Variants in MARCHF3 observed in about 807,000 individuals in gnomAD.
The protein encoded by MARCHF3 is membrane associated ring-CH-type finger 3, also known as E3 ubiquitin-protein ligase MARCHF3.
Under a neutral mutation model 24.2 loss-of-function variants are expected in MARCHF3, and 13 were observed. The observed-to-expected ratio is 0.54, with a 90% CI of 0.35 to 0.85. The LOEUF is 0.85. MARCHF3 is among the 40% of genes least tolerant of loss of function. The probability of loss-of-function intolerance (pLI) is 0.01; values close to 1 mark genes in which losing one functional copy is unlikely to be tolerated. For synonymous variants in MARCHF3, 144 were observed against 137.3 expected, an observed-to-expected ratio of 1.05 and a Z score of -0.34; for missense variants, 276 against 325.0, an observed-to-expected ratio of 0.85 and a Z score of 1.16.
chr5:126,871,996 C>A (rs901158615), intron 4 of MARCHF3, among the ~76,000 whole-genome samples: 1 of 151,852 alleles, frequency 6.6e-6, no homozygotes, highest in South Asian at 2.1e-4. Flanking sequence ...CAGGCGTGAG[C>A]CACTGTGTCC....
At chr5:126,910,170 G>A (rs891009723) in intron 3 of MARCHF3, among the ~76,000 whole-genome samples, 2 of 152,180 alleles carry the variant, frequency 1.3e-5, no homozygotes, top group East Asian at 1.9e-4. Flanking sequence ...ACTATTTCCT[G>A]GCTGTTTCAT....
chr5:126,870,693 G>C lies in MARCHF3; in HGVS notation c.702C>G (p.Asn234Lys). The change falls in exon 5 of 5, where the codon AAC becomes AAG. Residue 234 changes from asparagine to lysine, a missense_variant. By Grantham distance (94) the Asn-to-Lys change is moderately conservative. Coordinates refer to ENST00000308660, the MANE Select transcript of MARCHF3 (RefSeq NM_178450.5). Reference sequence around the variant, plus strand: ...AATGGAGGCCCAGCAAGGACGGCTGGTTAGAAGGTACATTGACAGACTTTG... The same window carrying C: ...AATGGAGGCCCAGCAAGGACGGCTGCTTAGAAGGTACATTGACAGACTTTG... ...LIPKSVNVPS[N>K]QPSLLGLHSV... The C allele has an allele frequency of 1.2e-6, 2 of 1,614,180 alleles. No individual in the cohort carries two copies. The highest frequency in any genetic ancestry group is 4.5e-5 in the East Asian group (2 of 44,886).
chr5:126,989,092 C>T (rs1751657841), intron 1 of MARCHF3, among the ~76,000 whole-genome samples: 1 of 151,982 alleles, frequency 6.6e-6, no homozygotes, highest in Admixed American at 6.6e-5. Context: ...CCAGCCTGAG[C>T]AACATAGTGA....
At chr5:126,900,403 A>T (rs1478477613) in intron 3 of MARCHF3, among the ~76,000 whole-genome samples, 1 of 151,992 alleles carries the variant, frequency 6.6e-6, no homozygotes, top group African/African-American at 2.4e-5. Context: ...TGGAGCACCC[A>T]TGACTGAGAT....
chr5:126,906,954 T>C (rs1220426668), intron 3 of MARCHF3, among the ~76,000 whole-genome samples: 1 of 151,902 alleles, frequency 6.6e-6, no homozygotes, highest in Non-Finnish European at 1.5e-5. Flanking sequence ...TGTGGGCATT[T>C]AGTGCTATAA....
chr5:126,910,024 G>C (rs1388843613), intron 3 of MARCHF3, among the ~76,000 whole-genome samples: 1 of 152,132 alleles, frequency 6.6e-6, no homozygotes, highest in Non-Finnish European at 1.5e-5. Context: ...TGTTCATACA[G>C]TTCTTATCAA....
At chr5:126,985,860 G>A (rs1186580397) in intron 1 of MARCHF3, among the ~76,000 whole-genome samples, 1 of 152,140 alleles carries the variant, frequency 6.6e-6, no homozygotes, top group Non-Finnish European at 1.5e-5. Context: ...CACGTTTGCA[G>A]GGAGAGAACC....
At chr5:126,966,928 TTTTTTTTTTTTTTTTTTG>T (rs1750836554) in intron 1 of MARCHF3, among the ~76,000 whole-genome samples, 1 of 128,484 alleles carries the variant, frequency 7.8e-6, no homozygotes, top group African/African-American at 2.8e-5. Flanking sequence ...TTTTTTTTTT[TTTTTTTTTTTTTTTTTTG>T]CTATTACCTA....
At chr5:126,918,403 G>C (rs534039407) in intron 1 of MARCHF3, among the ~76,000 whole-genome samples, 176 bp from the exon 2 acceptor site, 23 of 149,310 alleles carry the variant, frequency 1.5e-4, no homozygotes, top group Admixed American at 3.3e-4. Flanking sequence ...CACACACACA[G>C]AGCCCACAAG....
chr5:127,021,199 C>T (rs180701293), intron 1 of MARCHF3, among the ~76,000 whole-genome samples: 59 of 152,004 alleles, frequency 3.9e-4, no homozygotes, highest in African/African-American at 1.2e-3. Context: ...TTAATACCCA[C>T]CCCCCACCAA....
intron 3 of MARCHF3, among the ~76,000 whole-genome samples, chr5:126,908,227 G>A (rs1320124250): frequency 1.3e-5 from 2 of 152,092 alleles, no homozygotes; most frequent in African/African-American, 2.4e-5. Flanking sequence ...AGGGTAACCC[G>A]CCCTTTCTCT....
chr5:126,895,262 C>T (rs1317257288), intron 3 of MARCHF3, among the ~76,000 whole-genome samples: 1 of 152,116 alleles, frequency 6.6e-6, no homozygotes, highest in African/African-American at 2.4e-5. Flanking sequence ...TGAATGTCCT[C>T]CTGTAGCTCA....
At chr5:126,910,206 C>T (rs11956061) in intron 3 of MARCHF3, among the ~76,000 whole-genome samples, 86,293 of 152,054 alleles carry the variant, frequency 0.57, 25,386 homozygotes, top group East Asian at 0.76. Flanking sequence ...GTTGAGCTGA[C>T]CTATAACTTC....
intron 1 of MARCHF3, among the ~76,000 whole-genome samples, chr5:127,020,940 T>G (rs2126863650): frequency 6.6e-6 from 1 of 152,270 alleles, no homozygotes; most frequent in African/African-American, 2.4e-5. Flanking sequence ...CCACGTGAAG[T>G]TATGGTGAAA....
intron 1 of MARCHF3, among the ~76,000 whole-genome samples, chr5:127,022,684 C>T (rs974156319): frequency 4.6e-5 from 7 of 152,164 alleles, no homozygotes; most frequent in Admixed American, 1.3e-4. Flanking sequence ...GCAGAAGCCC[C>T]AGGATATGCA....
intron 1 of MARCHF3, among the ~76,000 whole-genome samples, chr5:126,934,594 C>T (rs1306656565): frequency 6.6e-6 from 1 of 151,840 alleles, no homozygotes; most frequent in African/African-American, 2.4e-5. Context: ...AACAAAGCAT[C>T]CCTAATTCCC....
chr5:127,016,497 A>T (rs890021425), intron 1 of MARCHF3, among the ~76,000 whole-genome samples: 2 of 152,252 alleles, frequency 1.3e-5, no homozygotes, highest in Non-Finnish European at 2.9e-5. Flanking sequence ...TAGCCAACAG[A>T]CACATGAAAA....
At position 126,870,700 on chromosome 5, in the gene MARCHF3, G is replaced by A. The variant is rs372034054; in HGVS notation, c.695C>T (p.Pro232Leu). 6 of 1,614,164 alleles carry A rather than the reference G, an allele frequency of 3.7e-6. No individual in the cohort carries two copies. The change falls in exon 5 of 5, where the codon CCT becomes CTT. Residue 232 changes from proline (P) to leucine (L), a missense_variant. Coordinates refer to ENST00000308660, the MANE Select transcript of MARCHF3 (RefSeq NM_178450.5). ...ILLIPKSVNVPSNQPSLLGLH... is the reference protein window; with the variant it reads ...ILLIPKSVNVLSNQPSLLGLH... ...GCCCAGCAAGGACGGCTGGTTAGAA[G>A]GTACATTGACAGACTTTGGAATGAG...
At chr5:127,002,516 T>C (rs1251003408) in intron 1 of MARCHF3, among the ~76,000 whole-genome samples, 1 of 152,222 alleles carries the variant, frequency 6.6e-6, no homozygotes, top group African/African-American at 2.4e-5. Flanking sequence ...GGCACAGAGA[T>C]GGAAAGCAAT....
Sources: allele counts gnomAD v4.1 joint callset (sites outside exome capture counted in the v4.1 genomes callset), GRCh38; gene constraint gnomAD v4.1.1; transcripts MANE v1.5; gene names NCBI Gene and HGNC (gene_info 2026-07-23, HGNC 2026-07-21).